Variants in OCLN observed in about 807,000 individuals in gnomAD.
OCLN encodes phosphatase 1, regulatory subunit 115.
OCLN carries 21 observed loss-of-function variants against 47.9 expected under a neutral mutation model. That is an observed-to-expected ratio of 0.44 (90% CI 0.31 to 0.63). The LOEUF is 0.63. Among genes scored for constraint, OCLN ranks in the 30% least tolerant of loss-of-function variants. The pLI is 0.08. For synonymous variants in OCLN, 117 were observed against 198.4 expected (o/e 0.59, Z 3.45); for missense variants, 360 against 571.0 (o/e 0.63, Z 3.77).
At chr5:69,508,849 T>G (rs1768683328) in intron 2 of OCLN, among the ~76,000 whole-genome samples, 1 of 152,208 alleles carries the variant, frequency 6.6e-6, no homozygotes, top group African/African-American at 2.4e-5. Context: ...TTCTCCTGGT[T>G]ATATACCCTA....
chr5:69,511,850 C>T (rs1768797121), intron 3 of OCLN, among the ~76,000 whole-genome samples: 1 of 152,054 alleles, frequency 6.6e-6, no homozygotes, highest in Non-Finnish European at 1.5e-5. Context: ...CATGGTGAAA[C>T]TCCATCTCTA....
chr5:69,548,480 A>G (rs1303027587), intron 7 of OCLN, among the ~76,000 whole-genome samples: 3 of 149,800 alleles, frequency 2.0e-5, no homozygotes, highest in African/African-American at 7.4e-5. Flanking sequence ...CGCCCGGCTA[A>G]TTTTTTGTAT....
chr5:69,524,751 A>G (rs1454707656), intron 4 of OCLN, among the ~76,000 whole-genome samples: 2 of 152,182 alleles, frequency 1.3e-5, no homozygotes, highest in African/African-American at 4.8e-5. Flanking sequence ...TAGTGGCATG[A>G]TCTTGGCTCA....
intron 3 of OCLN, 115 bp downstream of exon 3, chr5:69,509,934 T>C: frequency 1.2e-6 from 1 of 825,002 alleles, no homozygotes; most frequent in Non-Finnish European, 2.1e-6. Flanking sequence ...AAGGCTCCAC[T>C]TCTAATTAAA....
chr5:69,508,103 G>A (rs974081714), intron 2 of OCLN, among the ~76,000 whole-genome samples: 4 of 151,546 alleles, frequency 2.6e-5, no homozygotes, highest in Non-Finnish European at 4.4e-5. Context: ...GGGTGTGATC[G>A]CAGCTCACTG....
chr5:69,533,076 C>T (rs866617959), intron 4 of OCLN, among the ~76,000 whole-genome samples: 22 of 144,154 alleles, frequency 1.5e-4, no homozygotes, highest in Admixed American at 7.6e-4. Flanking sequence ...TATACACACA[C>T]ATATATATAT....
At chr5:69,547,224 G>T (rs1445864120) in intron 6 of OCLN, among the ~76,000 whole-genome samples, 1 of 149,758 alleles carries the variant, frequency 6.7e-6, no homozygotes, top group African/African-American at 2.4e-5. Flanking sequence ...CCAGTCAGCT[G>T]TGCTGCCACT....
intron 3 of OCLN, 35 bp from the exon 4 acceptor site, chr5:69,513,913 A>C (rs746127923): frequency 6.4e-7 from 1 of 1,571,816 alleles, no homozygotes; most frequent in South Asian, 1.1e-5. Flanking sequence ...AGCAATTAAA[A>C]TCTAATTATG....
chr5:69,520,084 G>C (rs763500462), intron 4 of OCLN, among the ~76,000 whole-genome samples: 1 of 151,234 alleles, frequency 6.6e-6, no homozygotes, highest in Non-Finnish European at 1.5e-5. Flanking sequence ...TCAGCCTTCC[G>C]AGTATCTGGG....
rs192865681 is a variant in OCLN, at chr5:69,527,472, T to C, written c.892-7222T>C. Among the ~76,000 whole-genome samples the C allele has an allele frequency of 1.2e-3, 186 of 152,368 alleles. 1 individual carries two copies. The highest frequency in any genetic ancestry group is 4.4e-3 in the African/African-American group (181 of 41,586). On this transcript the variant is annotated intron_variant, in intron 4 of 8. Coordinates refer to ENST00000396442, the MANE Select transcript of OCLN (RefSeq NM_001205254.2). ...GTTGGTGGATGAGCTGCAGTTGTTT[T>C]CTTTTTGTATTTTTTTGTAAGTTTT...
chr5:69,517,272 G>A (rs1768997291), intron 4 of OCLN, among the ~76,000 whole-genome samples: 1 of 150,154 alleles, frequency 6.7e-6, no homozygotes, highest in African/African-American at 2.5e-5. Context: ...GCTGCTGCTA[G>A]TCAGGTCTGG....
At chr5:69,526,085 C>G (rs774484153) in intron 4 of OCLN, among the ~76,000 whole-genome samples, 1 of 152,106 alleles carries the variant, frequency 6.6e-6, no homozygotes, top group Non-Finnish European at 1.5e-5. Flanking sequence ...ATTGTGTCTA[C>G]GTCAGTAGTT....
intron 4 of OCLN, among the ~76,000 whole-genome samples, chr5:69,532,999 ATG>A (rs373564373): frequency 0.014 from 1,917 of 137,582 alleles, 42 homozygotes; most frequent in East Asian, 0.082. Context: ...GTATGCATGT[ATG>A]TGTGTGTGTG....
intron 4 of OCLN, among the ~76,000 whole-genome samples, chr5:69,518,899 G>T (rs1212519551): frequency 6.6e-6 from 1 of 152,178 alleles, no homozygotes; most frequent in African/African-American, 2.4e-5. Flanking sequence ...CCCAGTACTT[G>T]CGAGGCCAAG....
intron 3 of OCLN, among the ~76,000 whole-genome samples, chr5:69,510,114 G>C (rs911043827): frequency 6.6e-6 from 1 of 152,192 alleles, no homozygotes; most frequent in African/African-American, 2.4e-5. Flanking sequence ...ACCCGTTAGC[G>C]GTCACTCCTC....
intron 1 of OCLN, among the ~76,000 whole-genome samples, chr5:69,497,605 C>T (rs1768333701): frequency 6.6e-6 from 1 of 151,990 alleles, no homozygotes; most frequent in South Asian, 2.1e-4. Context: ...CCAAGATGGT[C>T]TCGATCTCCT....
intron 4 of OCLN, among the ~76,000 whole-genome samples, chr5:69,529,634 G>T (rs1769375707): frequency 6.6e-6 from 1 of 151,816 alleles, no homozygotes; most frequent in South Asian, 2.1e-4. Context: ...TTTTGAGATG[G>T]AATCTGTCAC....
chr5:69,502,156 G>A (rs928949847), intron 1 of OCLN, among the ~76,000 whole-genome samples: 2 of 151,178 alleles, frequency 1.3e-5, no homozygotes, highest in African/African-American at 4.9e-5. Context: ...CTGAGATCAT[G>A]CCATTGCATT....
chr5:69,522,985 C>T (rs1226970930), intron 4 of OCLN, among the ~76,000 whole-genome samples: 1 of 151,452 alleles, frequency 6.6e-6, no homozygotes, highest in Non-Finnish European at 1.5e-5. Context: ...GCCTTGGCCT[C>T]CCAAACTGCT....
Sources: allele counts gnomAD v4.1 joint callset (sites outside exome capture counted in the v4.1 genomes callset), GRCh38; gene constraint gnomAD v4.1.1; transcripts MANE v1.5; gene names NCBI Gene and HGNC (gene_info 2026-07-23, HGNC 2026-07-21).